The following MRC1 variants were observed in gnomAD, a reference collection of about 807,000 sequenced individuals.
The protein encoded by MRC1 is macrophage mannose receptor 1.
A neutral mutation model predicts 102.9 loss-of-function variants in MRC1; 62 were observed. The ratio of observed to expected loss-of-function variants is 0.60; its 90% CI spans 0.49 to 0.74. The LOEUF is 0.74. Among genes scored for constraint, MRC1 ranks in the 30% least tolerant of loss-of-function variants. MRC1 has a pLI of 0.00. For missense variants in MRC1, 1,237 were observed against 862.8 expected, an observed-to-expected ratio of 1.43 and a Z score of -5.43; for synonymous variants, 457 against 298.4, an observed-to-expected ratio of 1.53 and a Z score of -5.48.
rs1476896988 is a variant in MRC1, at chr10:17,893,174, T to TTCCC, written c.3148-1035_3148-1032dup. On this transcript the variant is annotated intron_variant, in intron 22 of 29. Coordinates refer to ENST00000569591, the MANE Select transcript of MRC1 (RefSeq NM_002438.4). ...CTCCCTCCCTTTCTTCCTTCCTTCC[T>TTCCC]TCCCAAGGTCTTGTTCTCTCAGCTT... 2.7e-3 allele frequency among the ~76,000 whole-genome samples: 368 copies of TTCCC among 134,974 alleles called. 2 individuals carry two copies. The South Asian group carries it at 0.033, about 12-fold the overall frequency. The allele number at this position is 134,974 out of a possible 152,430, so 88.5% of individuals were successfully genotyped here.
intron 2 of MRC1, 48 bp from the exon 3 acceptor site, chr10:17,827,494 T>A (rs2130600107): frequency 1.4e-6 from 1 of 725,568 alleles, no homozygotes; most frequent in East Asian, 2.8e-5. Context: ...AAGTTAATGT[T>A]CAGAAATATC....
intron 23 of MRC1, 83 bp from the exon 24 acceptor site, chr10:17,897,951 A>G (rs1833778034): frequency 1.3e-6 from 1 of 776,150 alleles, no homozygotes; most frequent in African/African-American, 1.7e-5. Context: ...TATTTTTATG[A>G]TAGATGAGAT....
intron 3 of MRC1, 132 bp downstream of exon 3, chr10:17,827,847 C>T (rs1361623162): frequency 2.9e-6 from 2 of 692,256 alleles, no homozygotes; most frequent in Non-Finnish European, 5.3e-6. Context: ...CCTACTACAG[C>T]CCTTTACAGA....
At chr10:17,908,479 A>G (rs1457342178) in intron 28 of MRC1, among the ~76,000 whole-genome samples, 2 of 150,812 alleles carry the variant, frequency 1.3e-5, no homozygotes, top group Non-Finnish European at 2.9e-5. Flanking sequence ...AGAGTTTACC[A>G]TTTTAGAATT....
chr10:17,870,561 T>G (rs2130675705), intron 13 of MRC1, among the ~76,000 whole-genome samples, 188 bp downstream of exon 13: 1 of 152,320 alleles, frequency 6.6e-6, no homozygotes. Flanking sequence ...TAAGTGTAAA[T>G]TCTGCTATGA....
chr10:17,901,993 C>G lies in MRC1; in HGVS notation c.3670C>G (p.Pro1224Ala), dbSNP rs1322203014. ...RSDEIPATEPPQLPGRCPESD... is the reference protein window; with the variant it reads ...RSDEIPATEPAQLPGRCPESD... Reference sequence around the variant, plus strand: ...AACAGAAATCCCTGCTACTGAACCCCCACAACTGCCTGGCAGATGCCCGGA... The same window carrying G: ...AACAGAAATCCCTGCTACTGAACCCGCACAACTGCCTGGCAGATGCCCGGA... The change falls in exon 26 of 30, where the codon CCA (proline) becomes GCA (alanine). Residue 1224 changes from proline (P) to alanine (A), a missense_variant. Pro to Ala is a conservative substitution (Grantham distance 27). Transcript: ENST00000569591. 1.3e-6 allele frequency: 1 copy of G among 780,624 alleles called. No homozygotes were observed. The highest frequency in any genetic ancestry group is 1.7e-5 in the African/African-American group (1 of 59,090). 48.4% of individuals were successfully genotyped at this position (780,624 alleles called of 1,614,324 possible).
chr10:17,833,325 A>G (rs1311472741), intron 3 of MRC1, among the ~76,000 whole-genome samples: 1 of 152,100 alleles, frequency 6.6e-6, no homozygotes, highest in Admixed American at 6.6e-5. Context: ...GTTTTAGACT[A>G]GCCTGGGCCA....
At chr10:17,881,258 A>G (rs1349545206) in intron 21 of MRC1, 77 bp downstream of exon 21, 7 of 741,832 alleles carry the variant, frequency 9.4e-6, no homozygotes, top group South Asian at 3.0e-5. Context: ...TATTGCTGAC[A>G]GTAACTGACT....
intron 22 of MRC1, among the ~76,000 whole-genome samples, chr10:17,893,844 C>G (rs1833714799): frequency 6.6e-6 from 1 of 151,996 alleles, no homozygotes; most frequent in Non-Finnish European, 1.5e-5. Context: ...AATATGGTAC[C>G]TACTTTTGGG....
intron 23 of MRC1, among the ~76,000 whole-genome samples, chr10:17,895,255 A>G (rs962625583): frequency 6.6e-5 from 10 of 152,200 alleles, no homozygotes; most frequent in Admixed American, 1.3e-4. Context: ...AAAATAAAAT[A>G]TATGATCATT....
At chr10:17,818,254 G>C (rs1554838038) in intron 1 of MRC1, among the ~76,000 whole-genome samples, 1 of 152,082 alleles carries the variant, frequency 6.6e-6, no homozygotes, top group Non-Finnish European at 1.5e-5. Context: ...TGGGTTACTA[G>C]TTAAGATGCT....
chr10:17,903,040 A>T (rs1278566808), intron 26 of MRC1, among the ~76,000 whole-genome samples: 1 of 152,182 alleles, frequency 6.6e-6, no homozygotes, highest in Non-Finnish European at 1.5e-5. Context: ...ATATTTGTGT[A>T]GCCACTCCAG....
intron 23 of MRC1, among the ~76,000 whole-genome samples, chr10:17,895,057 T>C (rs1229629453): frequency 2.0e-5 from 3 of 152,036 alleles, no homozygotes; most frequent in African/African-American, 7.2e-5. Flanking sequence ...ATTTTATTTT[T>C]GTAGCTGGGA....
chr10:17,816,750 G>C (rs1300521711), intron 1 of MRC1, among the ~76,000 whole-genome samples: 4 of 152,138 alleles, frequency 2.6e-5, no homozygotes, highest in Non-Finnish European at 5.9e-5. Flanking sequence ...TGGCTTCTCT[G>C]TCTTCCAGAA....
chr10:17,835,880 G>A (rs1266336706), intron 4 of MRC1, among the ~76,000 whole-genome samples: 1 of 152,204 alleles, frequency 6.6e-6, no homozygotes, highest in African/African-American at 2.4e-5. Flanking sequence ...TCTGCCTTTT[G>A]TCAAACTCCT....
At chr10:17,839,917 T>A (rs917305405) in intron 4 of MRC1, among the ~76,000 whole-genome samples, 1 of 148,640 alleles carries the variant, frequency 6.7e-6, no homozygotes, top group Non-Finnish European at 1.5e-5. Context: ...AAAAAAAAAA[T>A]TAGCCAGGCG....
At chr10:17,895,134 G>A (rs1473608592) in intron 23 of MRC1, among the ~76,000 whole-genome samples, 1 of 152,078 alleles carries the variant, frequency 6.6e-6, no homozygotes, top group Admixed American at 6.5e-5. Flanking sequence ...AGGATCACTT[G>A]TGCCAGAGAG....
intron 11 of MRC1, 23 bp from the exon 12 acceptor site, chr10:17,866,539 T>G (rs1833270270): frequency 1.3e-6 from 1 of 780,694 alleles, no homozygotes; most frequent in Non-Finnish European, 2.4e-6. Flanking sequence ...TCAAGTGAAT[T>G]CTACTTCATA....
At chr10:17,881,328 T>G in intron 21 of MRC1, 147 bp downstream of exon 21, 1 of 656,980 alleles carries the variant, frequency 1.5e-6, no homozygotes, top group Admixed American at 2.8e-5. Flanking sequence ...TATTGAAAAC[T>G]ATTTTATTCC....
Sources: gnomAD v4.1 joint callset for allele counts (sites outside exome capture counted in the v4.1 genomes callset) on GRCh38, gnomAD v4.1.1 for gene constraint, MANE v1.5 for transcripts, NCBI Gene and HGNC (gene_info 2026-07-23, HGNC 2026-07-21) for gene names.